Variants in ITK observed in about 807,000 individuals in gnomAD.
The protein encoded by ITK is tyrosine-protein kinase ITK/TSK.
Under a neutral mutation model 87.6 loss-of-function variants are expected in ITK, and 45 were observed. The ratio of observed to expected loss-of-function variants is 0.51; its 90% CI spans 0.40 to 0.66. ITK has a LOEUF of 0.66. ITK is among the 30% of genes least tolerant of loss of function. The pLI, the probability that ITK is intolerant of heterozygous loss-of-function variation, is 0.00. For missense variants in ITK, 605 were observed against 766.3 expected, an observed-to-expected ratio of 0.79 and a Z score of 2.48; for synonymous variants, 303 against 273.6, an observed-to-expected ratio of 1.11 and a Z score of -1.06.
chr5:157,232,042 A>G (rs1312279269), intron 7 of ITK, among the ~76,000 whole-genome samples: 3 of 152,222 alleles, frequency 2.0e-5, no homozygotes, highest in Admixed American at 2.0e-4. Flanking sequence ...ATGAATATCC[A>G]TGTTCCCCAA....
Position 157,211,294 on chromosome 5 carries a change from AT to A in ITK, c.252del (p.His84GlnfsTer181). 6.2e-7 allele frequency: 1 copy of A among 1,613,904 alleles called. No homozygotes were observed. On this transcript the variant is annotated frameshift_variant, in exon 3 of 17. Coordinates refer to ENST00000422843, the MANE Select transcript of ITK (RefSeq NM_005546.4). LOFTEE classifies it high-confidence loss of function. ...CHYKYPFQVV[H>X]DNYLLYVFAP... ...CTGTGTGTGTGTCTCCAGGTGGTGC[AT>A]GACAACTACCTCCTATATGTGTTTG...
At chr5:157,214,068 G>A (rs1561654350) in intron 3 of ITK, 123 bp from the exon 4 acceptor site, 1 of 802,102 alleles carries the variant, frequency 1.2e-6, no homozygotes. Context: ...ATGCTTCTGA[G>A]TGGTCTGGGC....
At chr5:157,200,163 T>C (rs1753936728) in intron 1 of ITK, among the ~76,000 whole-genome samples, 2 of 152,152 alleles carry the variant, frequency 1.3e-5, no homozygotes, top group South Asian at 4.1e-4. Context: ...TAAAAGCTGA[T>C]TGCACAAGCT....
chr5:157,207,036 C>CA (rs1008259728), intron 1 of ITK, among the ~76,000 whole-genome samples: 14 of 151,792 alleles, frequency 9.2e-5, no homozygotes, highest in Admixed American at 5.9e-4. Flanking sequence ...ATTTTTAAAA[C>CA]AAAAAAACTA....
intron 6 of ITK, among the ~76,000 whole-genome samples, chr5:157,228,014 T>C (rs1167719053): frequency 6.6e-6 from 1 of 151,554 alleles, no homozygotes; most frequent in Non-Finnish European, 1.5e-5. Context: ...TGTGTGTGTG[T>C]AGTTTTAGTA....
chr5:157,190,969 T>A lies in ITK; in HGVS notation c.138+9854T>A, dbSNP rs377139535. On this transcript the variant is annotated intron_variant, in intron 1 of 16. Transcript: ENST00000422843. ...GAAGCAGTGGGTGTGAGTCCCTCCA[T>A]CTAGAAGTGAACTGACAGCTATGGG... Among the ~76,000 whole-genome samples the A allele has an allele frequency of 3.9e-5, 6 of 152,184 alleles. No homozygotes were observed. In the East Asian group the frequency reaches 9.7e-4, roughly 25 times the overall value.
At chr5:157,236,219 C>CA (rs1192364314) in intron 8 of ITK, among the ~76,000 whole-genome samples, 1 of 151,950 alleles carries the variant, frequency 6.6e-6, no homozygotes, top group Non-Finnish European at 1.5e-5. Flanking sequence ...ACTAAAAATA[C>CA]AAAAAATTAG....
At chr5:157,218,680 T>C (rs1323777593) in intron 5 of ITK, among the ~76,000 whole-genome samples, 2 of 152,214 alleles carry the variant, frequency 1.3e-5, no homozygotes, top group African/African-American at 4.8e-5. Flanking sequence ...ATTCTCATTG[T>C]AAAGCTTGGG....
At chr5:157,219,494 C>A (rs1278618350) in intron 5 of ITK, among the ~76,000 whole-genome samples, 1 of 152,118 alleles carries the variant, frequency 6.6e-6, no homozygotes, top group East Asian at 1.9e-4. Flanking sequence ...CCTCATGCTT[C>A]TTCCTGAAGA....
At chr5:157,239,365 T>A (rs2113771778) in intron 9 of ITK, among the ~76,000 whole-genome samples, 1 of 152,276 alleles carries the variant, frequency 6.6e-6, no homozygotes, top group South Asian at 2.1e-4. Context: ...AGCAACAAGT[T>A]GTAACCACAC....
rs1056376839 is a variant in ITK at position 157,255,119 on chromosome 5, G to A, written c.*2441G>A. ...ACAAATACCTGTTATCCTTTGTAGAGCACACAGAGTTAAAAGTTGAATATA... is the reference window on the plus strand; with the variant it reads ...ACAAATACCTGTTATCCTTTGTAGAACACACAGAGTTAAAAGTTGAATATA... On this transcript the variant is annotated 3_prime_UTR_variant, in exon 17 of 17. Coordinates refer to ENST00000422843, the MANE Select transcript of ITK (RefSeq NM_005546.4). 4.1e-4 allele frequency: 77 copies of A among 189,476 alleles called. No homozygotes were observed. The highest frequency in any genetic ancestry group is 2.2e-4 in the Non-Finnish European group (20 of 90,234). The allele number at this position is 189,476 out of a possible 1,614,324, so 11.7% of individuals were successfully genotyped here.
At chr5:157,213,144 GT>G (rs1196727663) in intron 3 of ITK, among the ~76,000 whole-genome samples, 7 of 152,162 alleles carry the variant, frequency 4.6e-5, no homozygotes, top group Non-Finnish European at 1.0e-4. Context: ...TACAATCATG[GT>G]GGAAGGTGAA....
At chr5:157,213,290 C>A (rs1284877802) in intron 3 of ITK, among the ~76,000 whole-genome samples, 1 of 152,186 alleles carries the variant, frequency 6.6e-6, no homozygotes, top group African/African-American at 2.4e-5. Flanking sequence ...GGGAAAATAT[C>A]CCCGTGATCC....
chr5:157,231,385 G>A (rs1199029748), intron 7 of ITK, among the ~76,000 whole-genome samples: 2 of 152,144 alleles, frequency 1.3e-5, no homozygotes, highest in Admixed American at 6.5e-5. Context: ...CACTACTATC[G>A]CTGATGGCCT....
intron 1 of ITK, among the ~76,000 whole-genome samples, chr5:157,197,764 A>G (rs1753881005): frequency 6.6e-6 from 1 of 152,206 alleles, no homozygotes; most frequent in African/African-American, 2.4e-5. Context: ...TTAACCATAC[A>G]CAGATGGATG....
chr5:157,181,875 C>A (rs1343159996), intron 1 of ITK, among the ~76,000 whole-genome samples: 2 of 152,146 alleles, frequency 1.3e-5, no homozygotes, highest in Non-Finnish European at 2.9e-5. Flanking sequence ...ATAACAAAAG[C>A]AACAGGAATA....
At chr5:157,246,041 T>G (rs2113776082) in intron 15 of ITK, 42 bp downstream of exon 15, 1 of 1,317,070 alleles carries the variant, frequency 7.6e-7, no homozygotes, top group African/African-American at 1.4e-5. Flanking sequence ...GATCTGGGCT[T>G]CAGGCCAGCT....
intron 7 of ITK, among the ~76,000 whole-genome samples, chr5:157,229,181 C>A (rs1754597593): frequency 6.6e-6 from 1 of 152,122 alleles, no homozygotes; most frequent in Admixed American, 6.5e-5. Flanking sequence ...GTTTAAAAAT[C>A]ATCATTTTGT....
chr5:157,217,971 A>G, intron 5 of ITK, 64 bp downstream of exon 5: 1 of 1,359,916 alleles, frequency 7.4e-7, no homozygotes, highest in Non-Finnish European at 1.1e-6. Context: ...GCATGTTCCT[A>G]TTTGCATGTC....
Sources: allele counts gnomAD v4.1 joint callset (sites outside exome capture counted in the v4.1 genomes callset), GRCh38; gene constraint gnomAD v4.1.1; transcripts MANE v1.5; gene names NCBI Gene and HGNC (gene_info 2026-07-23, HGNC 2026-07-21).